Variants in TNRC18 observed in about 807,000 individuals in gnomAD.
The protein encoded by TNRC18 is trinucleotide repeat-containing gene 18 protein.
In TNRC18, 69 loss-of-function variants were observed where a neutral mutation model predicts 226.7. That is an observed-to-expected ratio of 0.30 (90% CI 0.25 to 0.37). The LOEUF is 0.37. TNRC18 is among the 10% of genes least tolerant of loss of function. The pLI is 1.00. For missense variants in TNRC18, 4,754 were observed against 4,256.6 expected (o/e 1.12, Z -3.25); for synonymous variants, 2,449 against 1,927.6 (o/e 1.27, Z -7.09).
rs771042867 is a variant in TNRC18, at chr7:5,387,660, CCCAGGA to C, written c.2152+6_2152+11del. The C allele has an allele frequency of 6.2e-7, 1 of 1,602,374 alleles. No homozygotes were observed. The highest frequency in any genetic ancestry group is 2.2e-5 in the East Asian group (1 of 44,880). ...AGATCCTACCCGCACCTGGGCTCTGCCCAGGACCTACCTTTGACGTTACTCAGCGAC... is the reference window on the plus strand; with the variant it reads ...AGATCCTACCCGCACCTGGGCTCTGCCCTACCTTTGACGTTACTCAGCGAC... On this transcript the variant is annotated splice_donor_region_variant and intron_variant, in intron 5 of 29. Coordinates refer to ENST00000430969, the MANE Select transcript of TNRC18 (RefSeq NM_001080495.3).
In TNRC18 at chr7:5,370,784, C is replaced by G. The variant is rs768366777; in HGVS notation, c.3810G>C (p.Val1270=). ...GGCCTTCCTCGGGCACTGCCTCCAC[C>G]ACGGGCACCGCCACAGGCACCTCCA... ...EPVEVPVAVP[V]VEAVPEEGLA... is the part of the protein sequence containing the mutation. The change falls in exon 11 of 30, where the codon GTG becomes GTC. Residue 1270 remains valine (V), a synonymous_variant. Transcript: ENST00000430969. 2 of 1,604,088 alleles carry G rather than the reference C, an allele frequency of 1.2e-6. No homozygotes were observed. The highest frequency in any genetic ancestry group is 1.7e-6 in the Non-Finnish European group (2 of 1,176,292).
In TNRC18 at chr7:5,312,857, G is replaced by A; in HGVS notation, c.8034C>T (p.Ser2678=). 6.5e-7 allele frequency: 1 copy of A among 1,527,082 alleles called. No individual in the cohort carries two copies. Among genetic ancestry groups the A allele is most frequent in the East Asian group, 2.3e-5 (1 of 42,660 alleles). 94.6% of individuals were successfully genotyped at this position (1,527,082 alleles called of 1,614,324 possible). The change falls in exon 27 of 30, where the codon TCC becomes TCT. Residue 2678 remains serine (S), a synonymous_variant. Transcript: ENST00000430969. This position sits in a 1 kb window ranked among gnomAD's most constrained non-coding sequence, Gnocchi z 6.3. ...SSSSTTDEDS[S]CSSDDEAAPA... Reference sequence around the variant, plus strand: ...GGGCTGCCTCATCGTCCGAGCTGCAGGAAGAGTCCTCGTCTGTGGTGGAGG... The same window carrying A: ...GGGCTGCCTCATCGTCCGAGCTGCAAGAAGAGTCCTCGTCTGTGGTGGAGG...
Position 5,332,718 on chromosome 7 carries a change from G to C in TNRC18, c.6051C>G (p.Thr2017=). The C allele has an allele frequency of 6.6e-7, 1 of 1,525,756 alleles. No individual in the cohort carries two copies. The highest frequency in any genetic ancestry group is 8.8e-7 in the Non-Finnish European group (1 of 1,141,040). 94.5% of individuals were successfully genotyped at this position (1,525,756 alleles called of 1,614,324 possible). A position where few individuals can be genotyped will look rare whatever the true frequency, so the allele number is the denominator to read the frequency against. The change falls in exon 19 of 30, where the codon ACC becomes ACG. Residue 2017 remains threonine (T), a synonymous_variant. Coordinates refer to ENST00000430969, the MANE Select transcript of TNRC18 (RefSeq NM_001080495.3). ...AGCGGCTGGTCTTGGTGGCGGGCGC[G>C]GTGCTGACGGGCGCAGGTGCAGCAG... ...ASAAAPAPVS[T]APATKTSRCA... is the part of the protein sequence containing the mutation.
intron 2 of TNRC18, among the ~76,000 whole-genome samples, chr7:5,406,036 G>A (rs977226480): frequency 1.4e-4 from 21 of 152,126 alleles, no homozygotes; most frequent in Admixed American, 1.4e-3. Flanking sequence ...TCTACAAATC[G>A]ATAAACAAAA....
At chr7:5,356,725 G>A (rs1018010350) in intron 16 of TNRC18, among the ~76,000 whole-genome samples, 191 bp downstream of exon 16, 12 of 151,438 alleles carry the variant, frequency 7.9e-5, no homozygotes, top group African/African-American at 2.4e-4. Flanking sequence ...AGGCATATCC[G>A]CTTCAGGCGG....
intron 19 of TNRC18, among the ~76,000 whole-genome samples, chr7:5,330,971 G>A (rs185325041): frequency 1.2e-4 from 18 of 152,246 alleles, no homozygotes; most frequent in African/African-American, 3.4e-4. Context: ...CACCGTGCCC[G>A]GCTGAATCAT....
At chr7:5,329,864 G>A (rs551740647) in intron 19 of TNRC18, 1 of 468,962 alleles carries the variant, frequency 2.1e-6, no homozygotes, top group Non-Finnish European at 4.4e-6. Context: ...TGGAGGCCCA[G>A]GGTTTCCAAT....
intron 11 of TNRC18, among the ~76,000 whole-genome samples, chr7:5,363,042 C>T (rs539110055): frequency 2.6e-5 from 4 of 152,296 alleles, no homozygotes; most frequent in African/African-American, 9.6e-5. Context: ...GCCTGTAATC[C>T]CAGCACTTTG....
intron 19 of TNRC18, among the ~76,000 whole-genome samples, chr7:5,328,349 C>A (rs1245503462): frequency 6.6e-6 from 1 of 152,074 alleles, no homozygotes; most frequent in Non-Finnish European, 1.5e-5. Flanking sequence ...ATAAGGAGAC[C>A]CCACCCCATC....
At chr7:5,411,046 A>C (rs1428955306) in intron 2 of TNRC18, among the ~76,000 whole-genome samples, 1 of 151,642 alleles carries the variant, frequency 6.6e-6, no homozygotes, top group Non-Finnish European at 1.5e-5. Context: ...TCTCCATTTT[A>C]AAAAATACAG....
Position 5,389,334 on chromosome 7 carries a change from C to G in TNRC18, c.490G>C (p.Gly164Arg), listed in dbSNP as rs1197604037. 3 of 1,280,086 alleles carry G rather than the reference C, an allele frequency of 2.3e-6. No individual in the cohort carries two copies. The highest frequency in any genetic ancestry group is 2.8e-5 in the South Asian group (1 of 35,882). The allele number at this position is 1,280,086 out of a possible 1,614,324, so 79.3% of individuals were successfully genotyped here. A position where few individuals can be genotyped will look rare whatever the true frequency, so the allele number is the denominator to read the frequency against. Residue 164 changes from glycine (G) to arginine (R), a missense_variant and splice_region_variant, in exon 5 of 30, where the codon GGT becomes CGT. Physicochemically the swap from Gly to Arg is moderately radical, Grantham distance 125. Transcript: ENST00000430969. The stretch of plus-strand genomic sequence containing the variant: ...GCCCCCGCGGTGGGCAGGTAGAAAC[C>G]GTCTGCGGAGAAGGGAACAGCAGGC... The part of the protein sequence containing the change: ...TQKGQGPGGD[G>R]FYLPTAGAPG...
rs1794146635 is a variant in TNRC18, at chr7:5,371,369, C to T, written c.3230-5G>A. 1 of 1,503,996 alleles carries T rather than the reference C, an allele frequency of 6.6e-7. No individual in the cohort carries two copies. The highest frequency in any genetic ancestry group is 1.4e-5 in the African/African-American group (1 of 71,792). The allele number at this position is 1,503,996 out of a possible 1,614,324, so 93.2% of individuals were successfully genotyped here. On this transcript the variant is annotated splice_polypyrimidine_tract_variant and splice_region_variant and intron_variant, in intron 10 of 29. Coordinates refer to ENST00000430969, the MANE Select transcript of TNRC18 (RefSeq NM_001080495.3). ...ACGGGTACCTGGGCGGGATATCTGC[C>T]AAGGACACAGGGGTCAGCATGGGAG...
intron 17 of TNRC18, among the ~76,000 whole-genome samples, 161 bp downstream of exon 17, chr7:5,351,658 C>G (rs1476674356): frequency 6.6e-6 from 1 of 152,240 alleles, no homozygotes; most frequent in African/African-American, 2.4e-5. Flanking sequence ...TAACAGCAGG[C>G]TACGCTGCCA....
chr7:5,322,376 G>A (rs1186067914), intron 21 of TNRC18, among the ~76,000 whole-genome samples: 5 of 152,082 alleles, frequency 3.3e-5, no homozygotes, highest in Admixed American at 3.3e-4. Flanking sequence ...ATAGCTCACT[G>A]CAGCCTGGAA....
At chr7:5,333,095 C>A in intron 18 of TNRC18, 46 bp from the exon 19 acceptor site, 1 of 1,532,872 alleles carries the variant, frequency 6.5e-7, no homozygotes, top group Non-Finnish European at 8.7e-7. Flanking sequence ...CGTGGGGACC[C>A]CTTCCCTCCC....
rs1014343567 is a variant in TNRC18, at chr7:5,373,397, C to T, written c.3229+658G>A. ...ATCTCCCTGAGAGCAGGGCTGTGTG[C>T]CCCTGATTCTCTGCACCACTCCCAG... On this transcript the variant is annotated intron_variant, in intron 10 of 29. Coordinates refer to ENST00000430969, the MANE Select transcript of TNRC18 (RefSeq NM_001080495.3). Among the ~76,000 whole-genome samples the T allele has an allele frequency of 2.7e-4, 41 of 152,124 alleles. 1 individual carries two copies. The highest frequency in any genetic ancestry group is 4.4e-5 in the Non-Finnish European group (3 of 68,030).
At position 5,352,071 on chromosome 7, in the gene TNRC18, C is replaced by G. The variant is rs3801048; in HGVS notation, c.5218G>C (p.Glu1740Gln). The change falls in exon 17 of 30, where the codon GAA (glutamate) becomes CAA (glutamine). Residue 1740 changes from glutamate (E) to glutamine (Q), a missense_variant. Coordinates refer to ENST00000430969, the MANE Select transcript of TNRC18 (RefSeq NM_001080495.3). ...SYNTDSEEDE[E>Q]FLKDEWPAQG... ...GCGGGCCACTCGTCCTTCAGGAATT[C>G]TTCGTCTTCCTCTGAGTCCGTATCT... is the stretch of plus-strand genomic sequence containing the variant. 281,695 of 1,608,634 alleles carry G rather than the reference C, an allele frequency of 0.18. 25,691 individuals are homozygous for G. Among genetic ancestry groups the G allele is most frequent in the African/African-American group, 0.25 (18,623 of 74,832 alleles).
chr7:5,397,753 G>A (rs1444529844), intron 2 of TNRC18, among the ~76,000 whole-genome samples: 1 of 152,044 alleles, frequency 6.6e-6, no homozygotes, highest in Non-Finnish European at 1.5e-5. Flanking sequence ...CCCCAGAGAA[G>A]CCTCCAACAG....
intron 2 of TNRC18, among the ~76,000 whole-genome samples, chr7:5,414,406 G>A (rs1047280905): frequency 6.6e-6 from 1 of 150,838 alleles, no homozygotes; most frequent in African/African-American, 2.4e-5. Context: ...AAACATTTCA[G>A]TATTCTTTCT....
Sources: allele counts gnomAD v4.1 joint callset (sites outside exome capture counted in the v4.1 genomes callset), GRCh38; gene constraint gnomAD v4.1.1; non-coding constraint Gnocchi (gnomAD v3.1); transcripts MANE v1.5; gene names NCBI Gene and HGNC (gene_info 2026-07-23, HGNC 2026-07-21).